Variants in DNAJC10 observed in about 807,000 individuals in gnomAD.
DNAJC10 encodes endoplasmic reticulum disulfide reductase DNAJC10.
A neutral mutation model predicts 115.0 loss-of-function variants in DNAJC10; 101 were observed. That is an observed-to-expected ratio of 0.88 (90% CI 0.75 to 1.04). The LOEUF is 1.04. Among genes scored for constraint, DNAJC10 ranks in the 50% least tolerant of loss-of-function variants. DNAJC10 has a pLI of 0.00. For missense variants in DNAJC10, 981 were observed against 928.8 expected, an observed-to-expected ratio of 1.06 and a Z score of -0.73; for synonymous variants, 307 against 301.5, an observed-to-expected ratio of 1.02 and a Z score of -0.19.
In DNAJC10 at chr2:182,752,169, A is replaced by G; in HGVS notation, c.1532A>G (p.His511Arg). ...LKFGTLDCTV[H>R]EGLCNMYNIQ... ...TTTGGTACACTAGATTGTACAGTTC[A>G]TGAGGGACTCTGTAACATGGTAAGG... is the stretch of plus-strand genomic sequence containing the variant. The change falls in exon 16 of 24, where the codon CAT (histidine) becomes CGT (arginine). Residue 511 changes from histidine to arginine, a missense_variant. His to Arg is a conservative substitution (Grantham distance 29). Transcript: ENST00000264065. 5.7e-6 allele frequency: 9 copies of G among 1,571,992 alleles called. No homozygotes were observed. Among genetic ancestry groups the G allele is most frequent in the Non-Finnish European group, 6.9e-6 (8 of 1,153,304 alleles).
At chr2:182,734,010 TTTATTC>T (rs977519430) in intron 10 of DNAJC10, among the ~76,000 whole-genome samples, 14 of 151,380 alleles carry the variant, frequency 9.2e-5, no homozygotes, top group African/African-American at 3.4e-4. Context: ...CATGTCTGTT[TTTATTC>T]TTATTCTGTC....
intron 3 of DNAJC10, among the ~76,000 whole-genome samples, chr2:182,719,445 G>A (rs899592877): frequency 7.3e-5 from 11 of 151,546 alleles, no homozygotes; most frequent in African/African-American, 2.7e-4. Flanking sequence ...AGTAGAAACG[G>A]GGCTTCACCA....
chr2:182,761,805 C>A (rs1694292262), intron 21 of DNAJC10, among the ~76,000 whole-genome samples: 1 of 151,932 alleles, frequency 6.6e-6, no homozygotes, highest in Non-Finnish European at 1.5e-5. Flanking sequence ...TGTAAAACCA[C>A]CTTGGGCACC....
chr2:182,759,001 A>G (rs1334516428), intron 20 of DNAJC10, 111 bp downstream of exon 20: 1 of 1,090,650 alleles, frequency 9.2e-7, no homozygotes, highest in Non-Finnish European at 1.3e-6. Context: ...ATTTTAAATT[A>G]CTTAGTAAAG....
At chr2:182,775,937 G>A (rs1049317789) in intron 23 of DNAJC10, among the ~76,000 whole-genome samples, 1 of 152,100 alleles carries the variant, frequency 6.6e-6, no homozygotes, top group Non-Finnish European at 1.5e-5. Flanking sequence ...TGGTTGCCTG[G>A]GGCCGAAGTG....
In DNAJC10 at chr2:182,741,669, C is replaced by T. The variant is rs192482603; in HGVS notation, c.1191+313C>T. On this transcript the variant is annotated intron_variant, in intron 13 of 23. Coordinates refer to ENST00000264065, the MANE Select transcript of DNAJC10 (RefSeq NM_018981.4). ...TTTCTTTATATAAGTAATTCTTGGT[C>T]GTTGTTTAAAAATCAGGACAATAAA... 4.6e-5 allele frequency among the ~76,000 whole-genome samples: 7 copies of T among 152,010 alleles called. No homozygotes were observed. In the East Asian group the frequency reaches 5.8e-4, roughly 13 times the overall value.
At chr2:182,726,661 C>T (rs1437578561) in intron 5 of DNAJC10, among the ~76,000 whole-genome samples, 1 of 152,210 alleles carries the variant, frequency 6.6e-6, no homozygotes. Flanking sequence ...CCACCCTGAT[C>T]AGTCAGCACC....
At position 182,788,686 on chromosome 2, in the gene DNAJC10, C is replaced by G. The variant is rs2105729016; in HGVS notation, c.*11554C>G. Reference sequence around the variant, plus strand: ...GAGAACAAAAGGAAGTGAGCTTATCCCACAGCACAAGTAACGTCTATTTAT... The same window carrying G: ...GAGAACAAAAGGAAGTGAGCTTATCGCACAGCACAAGTAACGTCTATTTAT... On this transcript the variant is annotated 3_prime_UTR_variant, in exon 24 of 24. Coordinates refer to ENST00000264065, the MANE Select transcript of DNAJC10 (RefSeq NM_018981.4). The G allele has an allele frequency of 1.0e-5, 4 of 383,388 alleles. No individual in the cohort carries two copies. The highest frequency in any genetic ancestry group is 5.9e-5 in the South Asian group (3 of 50,642). The allele number at this position is 383,388 out of a possible 1,614,324, so 23.7% of individuals were successfully genotyped here.
At chr2:182,736,601 A>C (rs891534484) in intron 11 of DNAJC10, among the ~76,000 whole-genome samples, 5 of 152,188 alleles carry the variant, frequency 3.3e-5, no homozygotes, top group Admixed American at 6.5e-5. Context: ...TGACGATTAC[A>C]TTTCATTTAA....
chr2:182,720,989 G>A (rs1359293377), intron 4 of DNAJC10, among the ~76,000 whole-genome samples: 1 of 152,012 alleles, frequency 6.6e-6, no homozygotes, highest in Non-Finnish European at 1.5e-5. Context: ...AGGACGAAAG[G>A]TGTTTTTTTT....
At position 182,790,683 on chromosome 2, in the gene DNAJC10, GGAGTCTGA is replaced by G. The variant is rs1300594281; in HGVS notation, c.*13554_*13561del. ...GCACGCCTGTAATCCCAGCTACTTG[GGAGTCTGA>G]GACAGGAAAATCGCTTGAACCCGGG... On this transcript the variant is annotated 3_prime_UTR_variant, in exon 24 of 24. Transcript: ENST00000264065. 6.6e-6 allele frequency: 1 copy of G among 151,906 alleles called. No individual in the cohort carries two copies. Among genetic ancestry groups the G allele is most frequent in the African/African-American group, 2.4e-5 (1 of 41,314 alleles). The allele number at this position is 151,906 out of a possible 1,614,324, so 9.4% of individuals were successfully genotyped here.
chr2:182,760,066 G>A (rs1694252826), intron 21 of DNAJC10, among the ~76,000 whole-genome samples: 1 of 152,066 alleles, frequency 6.6e-6, no homozygotes, highest in Non-Finnish European at 1.5e-5. Context: ...TTGACTTCAG[G>A]TGTCTGATAT....
At chr2:182,723,726 A>G (rs1156245455) in intron 5 of DNAJC10, among the ~76,000 whole-genome samples, 2 of 152,234 alleles carry the variant, frequency 1.3e-5, no homozygotes. Context: ...TTACTAATCC[A>G]TGAGTCTACC....
intron 14 of DNAJC10, among the ~76,000 whole-genome samples, chr2:182,750,545 C>A (rs189540229): frequency 6.6e-6 from 1 of 152,054 alleles, no homozygotes; most frequent in South Asian, 2.1e-4. Context: ...ACGACAGAGA[C>A]GTCTTCTGAG....
At position 182,778,157 on chromosome 2, in the gene DNAJC10, T is replaced by A. The variant is rs893994118; in HGVS notation, c.*1025T>A. ...TACATTGGGTTTTTCTTTCGTAGTT[T>A]TGGTTTTTCACTCCTGTCCAGTCTA... On this transcript the variant is annotated 3_prime_UTR_variant, in exon 24 of 24. Coordinates refer to ENST00000264065, the MANE Select transcript of DNAJC10 (RefSeq NM_018981.4). The A allele has an allele frequency of 1.3e-5, 2 of 152,144 alleles. No individual in the cohort carries two copies. Among genetic ancestry groups the A allele is most frequent in the Admixed American group, 6.6e-5 (1 of 15,250 alleles). 9.4% of individuals were successfully genotyped at this position (152,144 alleles called of 1,614,324 possible).
chr2:182,718,262 C>T lies in DNAJC10; in HGVS notation c.176C>T (p.Ala59Val). Residue 59 changes from alanine (A) to valine (V), a missense_variant, in exon 3 of 24, where the codon GCA becomes GTA. Physicochemically the swap from Ala to Val is moderately conservative, Grantham distance 64. Coordinates refer to ENST00000264065, the MANE Select transcript of DNAJC10 (RefSeq NM_018981.4). ...REIRQAFKKL[A>V]LKLHPDKNPN... ...ATAAGACAAGCTTTCAAGAAATTGG[C>T]ATTGAAGTTACATCCTGATAAAAAC... The T allele has an allele frequency of 6.2e-7, 1 of 1,610,558 alleles. No individual in the cohort carries two copies. Among genetic ancestry groups the T allele is most frequent in the Non-Finnish European group, 8.5e-7 (1 of 1,178,964 alleles).
At chr2:182,741,174 A>G in intron 12 of DNAJC10, 69 bp from the exon 13 acceptor site, 2 of 1,070,380 alleles carry the variant, frequency 1.9e-6, no homozygotes, top group Non-Finnish European at 2.8e-6. Flanking sequence ...ACTTCAAGTC[A>G]TAGAAATGAA....
chr2:182,786,232 C>G lies in DNAJC10; in HGVS notation c.*9100C>G, dbSNP rs1310014715. 2.0e-5 allele frequency: 3 copies of G among 152,130 alleles called. No individual in the cohort carries two copies. Among genetic ancestry groups the G allele is most frequent in the African/African-American group, 7.2e-5 (3 of 41,426 alleles). 9.4% of individuals were successfully genotyped at this position (152,130 alleles called of 1,614,324 possible). On this transcript the variant is annotated 3_prime_UTR_variant, in exon 24 of 24. Coordinates refer to ENST00000264065, the MANE Select transcript of DNAJC10 (RefSeq NM_018981.4). ...ATCAACTGCCAGGAAATCAGTTTACCTGTTAGAGGTAGAAAAGTTACAGGA... is the reference window on the plus strand; with the variant it reads ...ATCAACTGCCAGGAAATCAGTTTACGTGTTAGAGGTAGAAAAGTTACAGGA...
chr2:182,724,967 C>T (rs1382169206), intron 5 of DNAJC10, among the ~76,000 whole-genome samples: 1 of 151,684 alleles, frequency 6.6e-6, no homozygotes, highest in African/African-American at 2.4e-5. Flanking sequence ...CTTTTTTTTC[C>T]TTAACAAATT....
Sources: allele counts gnomAD v4.1 joint callset (sites outside exome capture counted in the v4.1 genomes callset), GRCh38; gene constraint gnomAD v4.1.1; transcripts MANE v1.5; gene names NCBI Gene and HGNC (gene_info 2026-07-23, HGNC 2026-07-21).